Variants in LDB2 observed in about 807,000 individuals in gnomAD.
The protein encoded by LDB2 is LIM domain binding 2.
A neutral mutation model predicts 44.3 loss-of-function variants in LDB2; 12 were observed. The ratio of observed to expected loss-of-function variants is 0.27; its 90% confidence interval spans 0.17 to 0.44. The LOEUF is 0.44. Ranked by LOEUF, LDB2 falls within the 20% of genes least tolerant of loss-of-function variation. LDB2 has a pLI of 1.00. For synonymous variants in LDB2, 164 were observed against 174.8 expected (o/e 0.94, Z 0.49); for missense variants, 344 against 473.5 (o/e 0.73, Z 2.54).
In LDB2 at chr4:16,505,773, C is replaced by T. The variant is rs576407367; in HGVS notation, c.891+2762G>A. 102 of 1,457,854 alleles carry T rather than the reference C, an allele frequency of 7.0e-5. No homozygotes were observed. In the East Asian group the frequency reaches 2.3e-3, roughly 33 times the overall value. 90.3% of individuals were successfully genotyped at this position (1,457,854 alleles called of 1,614,324 possible). On this transcript the variant is annotated intron_variant, in intron 7 of 7. Transcript: ENST00000304523. ...CAACTTCTGCTCCTTGCTGGAAGCC[C>T]GGAGGTGCCACCAGCTCTCACCCAT...
At chr4:16,680,393 T>A (rs551007511) in intron 2 of LDB2, among the ~76,000 whole-genome samples, 23 of 152,312 alleles carry the variant, frequency 1.5e-4, no homozygotes, top group Non-Finnish European at 2.4e-4. Flanking sequence ...ACCAACTGCA[T>A]CTCAAGACCA....
intron 2 of LDB2, among the ~76,000 whole-genome samples, chr4:16,694,655 G>A (rs192203669): frequency 2.9e-3 from 435 of 152,258 alleles, no homozygotes; most frequent in African/African-American, 9.9e-3. Context: ...GGGTGTGTGC[G>A]GGCTCTGGCA....
At chr4:16,794,448 T>C (rs924798038) in intron 1 of LDB2, among the ~76,000 whole-genome samples, 4 of 152,202 alleles carry the variant, frequency 2.6e-5, no homozygotes, top group South Asian at 2.1e-4. Flanking sequence ...CATCTTCTTA[T>C]ACCTTCCCTG....
intron 2 of LDB2, among the ~76,000 whole-genome samples, chr4:16,691,278 T>C (rs1294163539): frequency 2.0e-5 from 3 of 152,196 alleles, no homozygotes. Flanking sequence ...TCATTATTCA[T>C]TCAACAAAGA....
At chr4:16,858,741 C>T (rs1789894319) in intron 1 of LDB2, among the ~76,000 whole-genome samples, 1 of 152,164 alleles carries the variant, frequency 6.6e-6, no homozygotes, top group Admixed American at 6.5e-5. Context: ...TTTTTTTAAA[C>T]TATCACATCA....
chr4:16,896,996 G>C (rs1317978065), intron 1 of LDB2, among the ~76,000 whole-genome samples: 1 of 152,186 alleles, frequency 6.6e-6, no homozygotes, highest in Non-Finnish European at 1.5e-5. Context: ...CATATTTAGC[G>C]TCTATGGTGT....
intron 2 of LDB2, among the ~76,000 whole-genome samples, chr4:16,683,938 C>T (rs1748577658): frequency 6.6e-6 from 1 of 152,138 alleles, no homozygotes; most frequent in African/African-American, 2.4e-5. Context: ...TCTTAACCAC[C>T]CAGCTGGAAA....
chr4:16,503,117 A>G, intron 7 of LDB2: 1 of 1,536,416 alleles, frequency 6.5e-7, no homozygotes, highest in Non-Finnish European at 8.7e-7. Context: ...CTGGAGAACG[A>G]GCAATGCTAG....
At chr4:16,761,779 C>A (rs1767979467) in intron 1 of LDB2, among the ~76,000 whole-genome samples, 1 of 152,108 alleles carries the variant, frequency 6.6e-6, no homozygotes, top group Admixed American at 6.6e-5. Context: ...CCTTTCCCTG[C>A]CTCTGTCTAC....
At chr4:16,855,309 C>T (rs1227734017) in intron 1 of LDB2, among the ~76,000 whole-genome samples, 1 of 152,096 alleles carries the variant, frequency 6.6e-6, no homozygotes, top group Non-Finnish European at 1.5e-5. Flanking sequence ...TCATATTTGT[C>T]ACCACCATGC....
intron 5 of LDB2, 73 bp from the exon 6 acceptor site, chr4:16,512,177 G>T: frequency 7.5e-7 from 1 of 1,329,490 alleles, no homozygotes; most frequent in Non-Finnish European, 1.0e-6. Context: ...GCTAACAGCT[G>T]GAATCAAGTA....
rs145631735 is a variant in LDB2, at chr4:16,700,167, C to T, written c.235+58991G>A. On this transcript the variant is annotated intron_variant, in intron 2 of 7. Coordinates refer to ENST00000304523, the MANE Select transcript of LDB2 (RefSeq NM_001290.5). Reference sequence around the variant, plus strand: ...ACTCAAAACATTTCAAATTTTGAAGCATTTCACATTTCAGATTTTCAGATT... The same window carrying T: ...ACTCAAAACATTTCAAATTTTGAAGTATTTCACATTTCAGATTTTCAGATT... Among the ~76,000 whole-genome samples the T allele has an allele frequency of 2.3e-3, 354 of 152,226 alleles. 3 individuals are homozygous for T. Among genetic ancestry groups the T allele is most frequent in the African/African-American group, 8.0e-3 (333 of 41,532 alleles).
At chr4:16,578,172 A>G (rs1348717688) in intron 5 of LDB2, among the ~76,000 whole-genome samples, 1 of 152,170 alleles carries the variant, frequency 6.6e-6, no homozygotes, top group Non-Finnish European at 1.5e-5. Context: ...TTCTTGACCA[A>G]TACCCCACAG....
At chr4:16,616,944 C>T (rs1727496549) in intron 2 of LDB2, among the ~76,000 whole-genome samples, 1 of 152,116 alleles carries the variant, frequency 6.6e-6, no homozygotes, top group Non-Finnish European at 1.5e-5. Context: ...ATGTACCTTG[C>T]TACATAATAA....
intron 1 of LDB2, among the ~76,000 whole-genome samples, chr4:16,884,424 C>T (rs570765701): frequency 1.3e-5 from 2 of 152,212 alleles, no homozygotes; most frequent in Admixed American, 6.5e-5. Flanking sequence ...CACAATTCGG[C>T]CCCTACTTCT....
chr4:16,678,350 A>G (rs1057008490), intron 2 of LDB2, among the ~76,000 whole-genome samples: 12 of 152,344 alleles, frequency 7.9e-5, no homozygotes, highest in African/African-American at 2.9e-4. Flanking sequence ...ATATTGAAGT[A>G]CAATTGACAT....
At chr4:16,780,814 T>C (rs1310437235) in intron 1 of LDB2, among the ~76,000 whole-genome samples, 1 of 152,130 alleles carries the variant, frequency 6.6e-6, no homozygotes, top group Non-Finnish European at 1.5e-5. Context: ...TAAAATTTAA[T>C]GAGTACATTA....
intron 2 of LDB2, among the ~76,000 whole-genome samples, chr4:16,634,296 CAAAA>C (rs35227929): frequency 3.8e-5 from 4 of 105,464 alleles, no homozygotes; most frequent in Admixed American, 9.7e-5. Flanking sequence ...TTTGCACGGC[CAAAA>C]AAAAAAAAAA....
At chr4:16,705,031 T>C (rs1754311096) in intron 2 of LDB2, among the ~76,000 whole-genome samples, 1 of 152,220 alleles carries the variant, frequency 6.6e-6, no homozygotes, top group Non-Finnish European at 1.5e-5. Context: ...CTACAATCTT[T>C]AACTTGCTCA....
Sources: gnomAD v4.1 joint callset for allele counts (sites outside exome capture counted in the v4.1 genomes callset) on GRCh38, gnomAD v4.1.1 for gene constraint, MANE v1.5 for transcripts, NCBI Gene and HGNC (gene_info 2026-07-23, HGNC 2026-07-21) for gene names.